The following MST1R variants were observed in gnomAD, a reference collection of about 807,000 sequenced individuals.
MST1R encodes the protein macrophage stimulating 1 receptor.
MST1R carries 99 observed loss-of-function variants against 117.8 expected under a neutral mutation model. The observed-to-expected ratio is 0.84, with a 90% CI of 0.71 to 0.99. MST1R has a LOEUF of 0.99. Ranked by LOEUF, MST1R falls within the 50% of genes least tolerant of loss-of-function variation. The pLI, the probability that MST1R is intolerant of heterozygous loss-of-function variation, is 0.00. For synonymous variants in MST1R, 734 were observed against 765.3 expected, an observed-to-expected ratio of 0.96 and a Z score of 0.68; for missense variants, 1,683 against 1,840.2, an observed-to-expected ratio of 0.91 and a Z score of 1.56.
chr3:49,897,605 T>C lies in MST1R; in HGVS notation c.1961A>G (p.Asn654Ser). Reference sequence around the variant, plus strand: ...CATGTTAGTCACGGTGAGGCTGACGTTGGTAGGCCCCACTGCCTGGGTGCC... The same window carrying C: ...CATGTTAGTCACGGTGAGGCTGACGCTGGTAGGCCCCACTGCCTGGGTGCC... The part of the protein sequence containing the change: ...PLGTQAVGPT[N>S]VSLTVTNMPP... The change falls in exon 6 of 20, where the codon AAC becomes AGC. Residue 654 changes from asparagine to serine, a missense_variant. Coordinates refer to ENST00000296474, the MANE Select transcript of MST1R (RefSeq NM_002447.4). 6.2e-7 allele frequency: 1 copy of C among 1,614,142 alleles called. No individual in the cohort carries two copies. Among genetic ancestry groups the C allele is most frequent in the South Asian group, 1.1e-5 (1 of 91,086 alleles).
rs750927544 is a variant in MST1R at position 49,902,514 on chromosome 3, C to T, written c.1096G>A (p.Val366Ile). 1.2e-5 allele frequency: 19 copies of T among 1,614,016 alleles called. No homozygotes were observed. Among genetic ancestry groups the T allele is most frequent in the East Asian group, 6.7e-5 (3 of 44,900 alleles). Residue 366 changes from valine to isoleucine, a missense_variant, in exon 1 of 20, where the codon GTC becomes ATC. Coordinates refer to ENST00000296474, the MANE Select transcript of MST1R (RefSeq NM_002447.4). ...GGPGVGPNSV[V>I]CAFPIDLLDT... ...AGCAGGTCAATGGGGAAGGCACAGA[C>T]GACAGAGTTGGGGCCCACGCCAGGA... is the stretch of plus-strand genomic sequence containing the variant.
Position 49,903,175 on chromosome 3 carries a change from C to T in MST1R, c.435G>A (p.Leu145=), listed in dbSNP as rs751124441. 5 of 1,605,108 alleles carry T rather than the reference C, an allele frequency of 3.1e-6. No homozygotes were observed. ...CGSSLQGRCF[L]HDLEPQGTAV... ...CTGTCCCTTGGGGCTCTAGGTCATG[C>T]AGGAAGCAGCGGCCCTGCAGGCTGG... is the stretch of plus-strand genomic sequence containing the variant. The change falls in exon 1 of 20, where the codon CTG becomes CTA. Residue 145 remains leucine, a synonymous_variant. Coordinates refer to ENST00000296474, the MANE Select transcript of MST1R (RefSeq NM_002447.4).
rs1418875808 is a variant in MST1R at position 49,903,218 on chromosome 3, G to A, written c.392C>T (p.Ala131Val). 3 of 1,606,822 alleles carry A rather than the reference G, an allele frequency of 1.9e-6. No individual in the cohort carries two copies. The highest frequency in any genetic ancestry group is 1.3e-5 in the African/African-American group (1 of 74,958). The stretch of plus-strand genomic sequence containing the variant: ...CAGGCTGGAGCCACAACTGACCAGC[G>A]CAGGCAGCGCGGGATCCAGCACCAG... ...KVLVLDPALPALVSCGSSLQG... is the reference protein window; with the variant it reads ...KVLVLDPALPVLVSCGSSLQG... The change falls in exon 1 of 20, where the codon GCG (alanine) becomes GTG (valine). Residue 131 changes from alanine (A) to valine (V), a missense_variant. Coordinates refer to ENST00000296474, the MANE Select transcript of MST1R (RefSeq NM_002447.4).
At position 49,903,671 on chromosome 3, in the gene MST1R, T is replaced by TGG; in HGVS notation, c.-64_-63dup. On this transcript the variant is annotated 5_prime_UTR_variant, in exon 1 of 20. Transcript: ENST00000296474. ...CTGGGCCTGGACCTGGGCGTGGGCC[T>TGG]GGCTGGGGGCCCGACTCGAGGTCTG... The TGG allele has an allele frequency of 1.3e-6, 2 of 1,508,944 alleles. No homozygotes were observed. Among genetic ancestry groups the TGG allele is most frequent in the Non-Finnish European group, 1.8e-6 (2 of 1,138,084 alleles). 93.5% of individuals were successfully genotyped at this position (1,508,944 alleles called of 1,614,324 possible).
At chr3:49,897,881 T>C in intron 5 of MST1R, 170 bp downstream of exon 5, 1 of 1,146,322 alleles carries the variant, frequency 8.7e-7, no homozygotes, top group Admixed American at 2.3e-5. Context: ...GAAGGGCACA[T>C]GAAAGCTCAA....
chr3:49,896,378 C>A lies in MST1R; in HGVS notation c.2466G>T (p.Gln822His). Reference protein sequence around the residue: ...SRCERQLPEQQLCRLPEYVVR... With the variant: ...SRCERQLPEQHLCRLPEYVVR... ...CCACATATTCAGGAAGGCGGCACAG[C>A]TGCTGCTCTGGAAGCTGCCTCTCAC... The change falls in exon 10 of 20, where the codon CAG (glutamine) becomes CAT (histidine). Residue 822 changes from glutamine to histidine, a missense_variant. Transcript: ENST00000296474. 3 of 1,613,754 alleles carry A rather than the reference C, an allele frequency of 1.9e-6. No homozygotes were observed. Among genetic ancestry groups the A allele is most frequent in the Non-Finnish European group, 2.5e-6 (3 of 1,179,920 alleles).
intron 17 of MST1R, among the ~76,000 whole-genome samples, 175 bp downstream of exon 17, chr3:49,891,022 G>A (rs1315301139): frequency 6.6e-6 from 1 of 152,166 alleles, no homozygotes; most frequent in African/African-American, 2.4e-5. Context: ...CACCGCGCCT[G>A]GCCAAATTTC....
chr3:49,895,656 C>T, intron 12 of MST1R, 59 bp downstream of exon 12: 1 of 1,612,272 alleles, frequency 6.2e-7, no homozygotes, highest in Non-Finnish European at 8.5e-7. Flanking sequence ...GATGTAGGGA[C>T]TTGAAGATGC....
chr3:49,897,210 T>C, intron 7 of MST1R, 70 bp downstream of exon 7: 2 of 1,533,152 alleles, frequency 1.3e-6, no homozygotes, highest in Non-Finnish European at 1.8e-6. Flanking sequence ...CTTCCCTCCA[T>C]CCTGACAGAA....
At chr3:49,888,385 G>A (rs1219146243) in intron 19 of MST1R, among the ~76,000 whole-genome samples, 2 of 145,520 alleles carry the variant, frequency 1.4e-5, no homozygotes, top group Non-Finnish European at 3.0e-5. Flanking sequence ...GCAGTGAGCC[G>A]AGATTGCACC....
intron 8 of MST1R, 30 bp downstream of exon 8, chr3:49,896,699 G>A (rs1254792408): frequency 6.2e-7 from 1 of 1,606,660 alleles, no homozygotes; most frequent in South Asian, 1.1e-5. Context: ...ATTCCCCAGA[G>A]GCCAGAGTGG....
In MST1R at chr3:49,887,258, G is replaced by A. The variant is rs2082189420; in HGVS notation, c.*49C>T. On this transcript the variant is annotated 3_prime_UTR_variant, in exon 20 of 20. Coordinates refer to ENST00000296474, the MANE Select transcript of MST1R (RefSeq NM_002447.4). ...TCTGGCCTGGCATGGCCCAGAGGCA[G>A]CTTGGGGTTAGCTCAAGGCAGCTAA... is the stretch of plus-strand genomic sequence containing the variant. 6.2e-7 allele frequency: 1 copy of A among 1,601,922 alleles called. No homozygotes were observed. Among genetic ancestry groups the A allele is most frequent in the African/African-American group, 1.3e-5 (1 of 74,792 alleles).
Position 49,902,798 on chromosome 3 carries a change from T to A in MST1R, c.812A>T (p.Asp271Val), listed in dbSNP as rs762985749. 1 of 1,613,876 alleles carries A rather than the reference T, an allele frequency of 6.2e-7. No individual in the cohort carries two copies. The highest frequency in any genetic ancestry group is 2.2e-5 in the East Asian group (1 of 44,890). Reference sequence around the variant, plus strand: ...GCGTGTGTGCAGGGCACTAGGATCATCTGTCACGCTGGCCGGCTGTACAGT... The same window carrying A: ...GCGTGTGTGCAGGGCACTAGGATCAACTGTCACGCTGGCCGGCTGTACAGT... ...FLTVQPASVT[D>V]DPSALHTRLA... Residue 271 changes from aspartate (D) to valine (V), a missense_variant, in exon 1 of 20, where the codon GAT becomes GTT. Asp to Val is a radical substitution (Grantham distance 152). Coordinates refer to ENST00000296474, the MANE Select transcript of MST1R (RefSeq NM_002447.4).
At chr3:49,894,522 T>C (rs1198453461) in intron 14 of MST1R, among the ~76,000 whole-genome samples, 1 of 149,982 alleles carries the variant, frequency 6.7e-6, no homozygotes, top group East Asian at 2.0e-4. Flanking sequence ...GAGCCATGAT[T>C]GTGCCATTGC....
At chr3:49,891,150 C>G (rs764145650) in intron 17 of MST1R, 47 bp downstream of exon 17, 2 of 1,565,952 alleles carry the variant, frequency 1.3e-6, no homozygotes, top group Non-Finnish European at 1.8e-6. Flanking sequence ...ACCGCACACC[C>G]TCATGCCCTG....
chr3:49,896,036 G>C lies in MST1R; in HGVS notation c.2721C>G (p.His907Gln), dbSNP rs61729096. 9 of 1,608,176 alleles carry C rather than the reference G, an allele frequency of 5.6e-6. No individual in the cohort carries two copies. Among genetic ancestry groups the C allele is most frequent in the Non-Finnish European group, 7.6e-6 (9 of 1,177,102 alleles). ...AGACAACCATGTCCCCCCGGAACTC[G>C]TGCTGGCAGCTCTCACCACCCACGG... The part of the protein sequence containing the change: ...NVTVGGESCQ[H>Q]EFRGDMVVCP... The change falls in exon 11 of 20, where the codon CAC (histidine) becomes CAG (glutamine). Residue 907 changes from histidine to glutamine, a missense_variant. His to Gln is a conservative substitution (Grantham distance 24, BLOSUM62 0). Coordinates refer to ENST00000296474, the MANE Select transcript of MST1R (RefSeq NM_002447.4).
chr3:49,887,606 A>T (rs934335276), intron 19 of MST1R, 44 bp from the exon 20 acceptor site: 6 of 1,598,694 alleles, frequency 3.8e-6, no homozygotes, highest in Non-Finnish European at 5.1e-6. Context: ...TTTCCACCCA[A>T]GGATTCTGGG....
chr3:49,887,444 G>C lies in MST1R; in HGVS notation c.4066C>G (p.Leu1356Val), dbSNP rs1425433681. ...CCCAAGTTCATGTAGGTTGCTGGCA[G>C]CTGCACATAATGGTCCCCAAGCAGT... ...SALLGDHYVQ[L>V]PATYMNLGPS... Residue 1356 changes from leucine to valine, a missense_variant, in exon 20 of 20, where the codon CTG (leucine) becomes GTG (valine). By Grantham distance (32) the Leu-to-Val change is conservative (BLOSUM62 1). Transcript: ENST00000296474. 8 of 1,614,112 alleles carry C rather than the reference G, an allele frequency of 5.0e-6. No individual in the cohort carries two copies. The highest frequency in any genetic ancestry group is 6.8e-6 in the Non-Finnish European group (8 of 1,180,048).
rs758441924 is a variant in MST1R at position 49,898,610 on chromosome 3, T to C, written c.1627A>G (p.Met543Val). Residue 543 changes from methionine to valine, a missense_variant, in exon 4 of 20, where the codon ATG becomes GTG. Transcript: ENST00000296474. Reference protein sequence around the residue: ...CGRCLRAWHFMGCGWCGNMCG... With the variant: ...CGRCLRAWHFVGCGWCGNMCG... ...ATGTTCCCACACCAGCCACAGCCCATGAAATGCCATGCCCTTAGGCAACGC... is the reference window on the plus strand; with the variant it reads ...ATGTTCCCACACCAGCCACAGCCCACGAAATGCCATGCCCTTAGGCAACGC... 2 of 1,613,946 alleles carry C rather than the reference T, an allele frequency of 1.2e-6. No homozygotes were observed. The highest frequency in any genetic ancestry group is 1.7e-6 in the Non-Finnish European group (2 of 1,179,984).
Sources: allele counts gnomAD v4.1 joint callset (sites outside exome capture counted in the v4.1 genomes callset), GRCh38; gene constraint gnomAD v4.1.1; transcripts MANE v1.5; gene names NCBI Gene and HGNC (gene_info 2026-07-23, HGNC 2026-07-21).